PRKCE: variants seen among roughly 807,000 people sequenced by gnomAD.
PRKCE encodes the protein protein kinase C epsilon type.
In PRKCE, 16 loss-of-function variants were observed where a neutral mutation model predicts 85.4. The observed-to-expected ratio is 0.19, with a 90% CI of 0.13 to 0.28. The LOEUF is 0.28. PRKCE is among the 10% of genes least tolerant of loss of function. PRKCE has a pLI of 1.00. For missense variants in PRKCE, 573 were observed against 975.2 expected, an observed-to-expected ratio of 0.59 and a Z score of 5.49; for synonymous variants, 388 against 371.5, an observed-to-expected ratio of 1.04 and a Z score of -0.51.
At chr2:45,908,954 A>G (rs549302704) in intron 2 of PRKCE, among the ~76,000 whole-genome samples, 21 of 152,262 alleles carry the variant, frequency 1.4e-4, no homozygotes, top group African/African-American at 4.3e-4. Context: ...TTCTATGTCT[A>G]ATCGATTGGC....
intron 1 of PRKCE, among the ~76,000 whole-genome samples, chr2:45,815,697 A>G (rs1688988609): frequency 6.6e-6 from 1 of 152,226 alleles, no homozygotes; most frequent in African/African-American, 2.4e-5. Context: ...CCCAGCAACT[A>G]TACTACTTTC....
chr2:45,770,748 C>T (rs1009627505), intron 1 of PRKCE: 2 of 152,174 alleles, frequency 1.3e-5, no homozygotes, highest in African/African-American at 4.8e-5. Flanking sequence ...CAGTACTGGC[C>T]CCATCTGCAG....
At position 45,658,228 on chromosome 2, in the gene PRKCE, A is replaced by G. The variant is rs891437628; in HGVS notation, c.348+5780A>G. The stretch of plus-strand genomic sequence containing the variant: ...GGATCTCCCTTTCCCCTACTCCCAT[A>G]ATACCATGTAATCCAATATTGCTCT... On this transcript the variant is annotated intron_variant, in intron 1 of 14. Transcript: ENST00000306156. Among the ~76,000 whole-genome samples, 4 of 152,260 alleles carry G rather than the reference A, an allele frequency of 2.6e-5. No homozygotes were observed. The East Asian group carries it at 7.7e-4, about 29-fold the overall frequency.
chr2:45,885,491 A>T (rs1161114569), intron 2 of PRKCE, among the ~76,000 whole-genome samples: 3 of 152,300 alleles, frequency 2.0e-5, no homozygotes, highest in Non-Finnish European at 2.9e-5. Flanking sequence ...GAGAGTGGCT[A>T]TGTGTATTTT....
At chr2:45,942,619 G>T (rs150933980) in intron 2 of PRKCE, among the ~76,000 whole-genome samples, 9 of 152,128 alleles carry the variant, frequency 5.9e-5, no homozygotes. Context: ...CGAGGTCCCC[G>T]CAGGAAGGAT....
At chr2:46,032,679 C>A (rs1317237880) in intron 10 of PRKCE, among the ~76,000 whole-genome samples, 1 of 152,124 alleles carries the variant, frequency 6.6e-6, no homozygotes, top group Non-Finnish European at 1.5e-5. Context: ...CTGGCTAGAG[C>A]AAGAAGTGAT....
intron 1 of PRKCE, among the ~76,000 whole-genome samples, chr2:45,771,326 A>C (rs970230320): frequency 6.6e-6 from 1 of 152,226 alleles, no homozygotes; most frequent in Non-Finnish European, 1.5e-5. Context: ...CACGTTAGGC[A>C]GATCCTTTTT....
At chr2:46,042,238 A>C (rs538884550) in intron 10 of PRKCE, among the ~76,000 whole-genome samples, 1 of 152,228 alleles carries the variant, frequency 6.6e-6, no homozygotes, top group South Asian at 2.1e-4. Context: ...TAACATCCAC[A>C]GCTGACACAC....
chr2:46,126,204 C>T (rs927034096), intron 11 of PRKCE, among the ~76,000 whole-genome samples: 4 of 152,208 alleles, frequency 2.6e-5, no homozygotes, highest in African/African-American at 9.6e-5. Context: ...CTCTCTGGGT[C>T]TCTTCTTAAC....
At chr2:46,015,186 T>G (rs1706021328) in intron 10 of PRKCE, among the ~76,000 whole-genome samples, 3 of 152,238 alleles carry the variant, frequency 2.0e-5, no homozygotes, top group South Asian at 4.2e-4. Context: ...ATTCAGGCAT[T>G]GACTACAAGG....
Position 45,732,971 on chromosome 2 carries a change from GCTTTGCGGGCCACAGAGT to G in PRKCE, c.348+80526_348+80543del, listed in dbSNP as rs1334541237. ...AAGGATCAGAGAGTAAATATTTTTA[GCTTTGCGGGCCACAGAGT>G]CTCTGCGAAAACAACTTGGCTCTAC... On this transcript the variant is annotated intron_variant, in intron 1 of 14. Coordinates refer to ENST00000306156, the MANE Select transcript of PRKCE (RefSeq NM_005400.3). Among the ~76,000 whole-genome samples the G allele has an allele frequency of 4.6e-5, 7 of 152,190 alleles. No homozygotes were observed. The East Asian group carries it at 1.3e-3, about 29-fold the overall frequency.
chr2:46,181,424 A>T (rs1450925120), intron 14 of PRKCE, among the ~76,000 whole-genome samples: 1 of 152,204 alleles, frequency 6.6e-6, no homozygotes, highest in East Asian at 1.9e-4. Context: ...GTCTGTAACG[A>T]TCATGAAGAA....
intron 14 of PRKCE, among the ~76,000 whole-genome samples, chr2:46,174,390 GA>G (rs1679214766): frequency 6.6e-6 from 1 of 152,240 alleles, no homozygotes; most frequent in Non-Finnish European, 1.5e-5. Flanking sequence ...TCGCAAACTG[GA>G]GGATTGTGAG....
intron 1 of PRKCE, among the ~76,000 whole-genome samples, chr2:45,800,116 A>G (rs1178002850): frequency 6.6e-6 from 1 of 152,202 alleles, no homozygotes; most frequent in Non-Finnish European, 1.5e-5. Context: ...ATATAGTTGC[A>G]GGGTAGGGTA....
chr2:45,894,257 T>A (rs1695961861), intron 2 of PRKCE, among the ~76,000 whole-genome samples: 1 of 151,720 alleles, frequency 6.6e-6, no homozygotes, highest in African/African-American at 2.4e-5. Context: ...GGGTTGGGGA[T>A]AGGGAGTGAT....
intron 1 of PRKCE, among the ~76,000 whole-genome samples, chr2:45,700,187 T>G (rs1678509746): frequency 6.8e-6 from 1 of 146,524 alleles, no homozygotes; most frequent in South Asian, 2.2e-4. Context: ...AGCCAGGGTC[T>G]CGGTGGAGAG....
chr2:46,030,401 C>A lies in PRKCE; in HGVS notation c.1437+19884C>A, dbSNP rs369057958. On this transcript the variant is annotated intron_variant, in intron 10 of 14. Coordinates refer to ENST00000306156, the MANE Select transcript of PRKCE (RefSeq NM_005400.3). Reference sequence around the variant, plus strand: ...CTAAGTTTAAGTCTTTCCTGTCCTCCCAGAATACCCCAAGTAGTGGGGCGG... The same window carrying A: ...CTAAGTTTAAGTCTTTCCTGTCCTCACAGAATACCCCAAGTAGTGGGGCGG... Among the ~76,000 whole-genome samples the A allele has an allele frequency of 7.9e-4, 121 of 152,290 alleles. 2 individuals are homozygous for A. Among genetic ancestry groups the A allele is most frequent in the African/African-American group, 2.7e-3 (113 of 41,568 alleles).
chr2:45,944,352 G>T (rs986316773), intron 2 of PRKCE, among the ~76,000 whole-genome samples: 3 of 152,148 alleles, frequency 2.0e-5, no homozygotes, highest in Admixed American at 6.5e-5. Flanking sequence ...AGGAAATGCT[G>T]TTGAGCCAGT....
At chr2:46,009,371 A>G (rs1405591911) in intron 9 of PRKCE, among the ~76,000 whole-genome samples, 2 of 152,258 alleles carry the variant, frequency 1.3e-5, no homozygotes, top group African/African-American at 2.4e-5. Flanking sequence ...TGATAGCAGC[A>G]TAATTAGACA....
Sources: gnomAD v4.1 joint callset for allele counts (sites outside exome capture counted in the v4.1 genomes callset) on GRCh38, gnomAD v4.1.1 for gene constraint, MANE v1.5 for transcripts, NCBI Gene and HGNC (gene_info 2026-07-23, HGNC 2026-07-21) for gene names.